LDLRAD4: variants seen among roughly 807,000 people sequenced by gnomAD.
The protein encoded by LDLRAD4 is low density lipoprotein receptor class A domain containing 4, also known as low-density lipoprotein receptor class A domain-containing protein 4.
Under a neutral mutation model 17.0 loss-of-function variants are expected in LDLRAD4, and 5 were observed. That is an observed-to-expected ratio of 0.29 (90% CI 0.15 to 0.62). The LOEUF is 0.62. LDLRAD4 is among the 20% of genes least tolerant of loss of function. The pLI is 0.84. For synonymous variants in LDLRAD4, 168 were observed against 171.8 expected (o/e 0.98, Z 0.17); for missense variants, 340 against 424.7 (o/e 0.80, Z 1.75).
intron 3 of LDLRAD4, among the ~76,000 whole-genome samples, chr18:13,493,511 C>T (rs2093400262): frequency 1.3e-5 from 2 of 152,110 alleles, no homozygotes; most frequent in South Asian, 4.2e-4. Flanking sequence ...CACTGTGCAC[C>T]CCTGAGGCTT....
At chr18:13,317,051 G>A (rs1202538660) in intron 1 of LDLRAD4, among the ~76,000 whole-genome samples, 1 of 152,152 alleles carries the variant, frequency 6.6e-6, no homozygotes, top group Admixed American at 6.5e-5. Flanking sequence ...AATCCAGAAG[G>A]CACGATAGTG....
intron 2 of LDLRAD4, among the ~76,000 whole-genome samples, chr18:13,409,004 C>CTT (rs753300534): frequency 6.6e-5 from 10 of 152,278 alleles, no homozygotes; most frequent in South Asian, 4.1e-4. Context: ...GTGAAGGTCT[C>CTT]TAAGAACATC....
At chr18:13,219,388 CTTCTT>C (rs2145285594) in intron 1 of LDLRAD4, among the ~76,000 whole-genome samples, 1 of 152,210 alleles carries the variant, frequency 6.6e-6, no homozygotes, top group African/African-American at 2.4e-5. Context: ...TTTTGATTTG[CTTCTT>C]TTCTTTTCCT....
chr18:13,351,218 G>T (rs969097738), intron 1 of LDLRAD4, among the ~76,000 whole-genome samples: 1 of 152,142 alleles, frequency 6.6e-6, no homozygotes, highest in Non-Finnish European at 1.5e-5. Flanking sequence ...AATTACTTTG[G>T]GCAGTGTGGC....
At chr18:13,577,198 A>T (rs895093247) in intron 3 of LDLRAD4, among the ~76,000 whole-genome samples, 3 of 152,220 alleles carry the variant, frequency 2.0e-5, no homozygotes, top group African/African-American at 7.2e-5. Context: ...TGGGAAAGTC[A>T]ACTCCTGGGC....
At chr18:13,303,251 AT>A (rs1239967770) in intron 1 of LDLRAD4, among the ~76,000 whole-genome samples, 2 of 151,748 alleles carry the variant, frequency 1.3e-5, no homozygotes, top group Non-Finnish European at 2.9e-5. Flanking sequence ...TCTGAAGACA[AT>A]TTTTTTTCCC....
At chr18:13,518,269 A>T (rs1009824941) in intron 3 of LDLRAD4, among the ~76,000 whole-genome samples, 2 of 151,974 alleles carry the variant, frequency 1.3e-5, no homozygotes, top group Non-Finnish European at 2.9e-5. Flanking sequence ...CTGCTTTTAC[A>T]TCCTGGGTAA....
chr18:13,373,583 C>T (rs1424695945), intron 1 of LDLRAD4, among the ~76,000 whole-genome samples: 1 of 152,134 alleles, frequency 6.6e-6, no homozygotes, highest in Admixed American at 6.5e-5. Context: ...GATCTTTGCT[C>T]ATATTTTCAT....
At chr18:13,624,634 G>A (rs868104985) in intron 4 of LDLRAD4, among the ~76,000 whole-genome samples, 2 of 152,190 alleles carry the variant, frequency 1.3e-5, no homozygotes, top group Admixed American at 6.5e-5. Flanking sequence ...TGTCTCCTCC[G>A]TCCCCATGCC....
exon 6 of LDLRAD4, chr18:13,650,371 G>A (rs560346402): frequency 2.0e-4 from 78 of 399,288 alleles, no homozygotes; most frequent in African/African-American, 1.5e-3. Context: ...CCCTCTGCGT[G>A]TCCTTGTTTT....
chr18:13,325,452 A>G (rs887566111), intron 1 of LDLRAD4, among the ~76,000 whole-genome samples: 1 of 152,158 alleles, frequency 6.6e-6, no homozygotes, highest in African/African-American at 2.4e-5. Flanking sequence ...ACCAGCTCCC[A>G]GACCCACCTG....
chr18:13,315,612 C>T (rs1289912095), intron 1 of LDLRAD4, among the ~76,000 whole-genome samples: 1 of 151,824 alleles, frequency 6.6e-6, no homozygotes, highest in Non-Finnish European at 1.5e-5. Context: ...TGGAGAAACT[C>T]CATCTCTACT....
intron 3 of LDLRAD4, among the ~76,000 whole-genome samples, chr18:13,570,591 G>A (rs1012735873): frequency 1.3e-5 from 2 of 152,266 alleles, no homozygotes; most frequent in South Asian, 2.1e-4. Context: ...CACGGCTCCC[G>A]CTGCATGGAA....
At position 13,225,024 on chromosome 18, in the gene LDLRAD4, C is replaced by T. The variant is rs1032028633; in HGVS notation, c.-467+6036C>T. ...CTATTTTATGTATTTTTAGTAGAGA[C>T]GGGGTTTCGTCATGTTGGCCAGGCT... On this transcript the variant is annotated intron_variant, in intron 1 of 5. Coordinates refer to the LDLRAD4 transcript ENST00000399848. Among the ~76,000 whole-genome samples the T allele has an allele frequency of 1.8e-4, 28 of 151,868 alleles. 1 individual carries two copies. The highest frequency in any genetic ancestry group is 1.8e-3 in the East Asian group (9 of 5,132).
upstream of LDLRAD4, among the ~76,000 whole-genome samples, chr18:13,275,019 A>C (rs893382123): frequency 2.0e-5 from 3 of 151,252 alleles, no homozygotes; most frequent in Non-Finnish European, 4.4e-5. Context: ...TAGTCTGGAT[A>C]CCATAGCAAG....
intron 1 of LDLRAD4, among the ~76,000 whole-genome samples, chr18:13,321,918 A>C (rs2081266098): frequency 8.0e-6 from 1 of 125,228 alleles, no homozygotes; most frequent in Admixed American, 8.1e-5. Context: ...GAAAAAGAAT[A>C]AAAAGAATAA....
intron 1 of LDLRAD4, among the ~76,000 whole-genome samples, chr18:13,327,121 C>T (rs992880765): frequency 3.3e-5 from 5 of 152,062 alleles, no homozygotes; most frequent in African/African-American, 1.2e-4. Flanking sequence ...GCTTGACTCC[C>T]TCTGTGGGCC....
chr18:13,324,439 G>T (rs1319218687), intron 1 of LDLRAD4, among the ~76,000 whole-genome samples: 1 of 152,108 alleles, frequency 6.6e-6, no homozygotes, highest in African/African-American at 2.4e-5. Flanking sequence ...ACCGCGCCTG[G>T]CCTCAAGTGT....
chr18:13,298,445 A>G (rs1440045092), intron 1 of LDLRAD4, among the ~76,000 whole-genome samples: 1 of 147,306 alleles, frequency 6.8e-6, no homozygotes, highest in African/African-American at 2.6e-5. Context: ...TGCTCCGGGC[A>G]CGGCAATTTT....
Sources: gnomAD v4.1 joint callset for allele counts (sites outside exome capture counted in the v4.1 genomes callset) on GRCh38, gnomAD v4.1.1 for gene constraint, MANE v1.5 for transcripts, NCBI Gene and HGNC (gene_info 2026-07-23, HGNC 2026-07-21) for gene names.